The following ATP12A variants were observed in gnomAD, a reference collection of about 807,000 sequenced individuals.
ATP12A encodes ATPase H+/K+ transporting non-gastric alpha2 subunit, also known as potassium-transporting ATPase alpha chain 2.
Under a neutral mutation model 111.2 loss-of-function variants are expected in ATP12A, and 81 were observed. That is an observed-to-expected ratio of 0.73 (90% confidence interval 0.61 to 0.88). ATP12A has a LOEUF of 0.88. Ranked by LOEUF, ATP12A falls within the 40% of genes least tolerant of loss-of-function variation. ATP12A has a pLI of 0.00. For synonymous variants in ATP12A, 498 were observed against 499.8 expected, an observed-to-expected ratio of 1.00 and a Z score of 0.05; for missense variants, 1,196 against 1,313.1, an observed-to-expected ratio of 0.91 and a Z score of 1.38.
At chr13:24,701,754 G>A (rs900841113) in intron 13 of ATP12A, among the ~76,000 whole-genome samples, 181 bp from the exon 14 acceptor site, 2 of 152,152 alleles carry the variant, frequency 1.3e-5, no homozygotes, top group African/African-American at 2.4e-5. Flanking sequence ...TAGGAGCAAG[G>A]GTAGACCCAA....
At chr13:24,710,769 G>A (rs1020067514) in intron 20 of ATP12A, 23 bp from the exon 21 acceptor site, 3 of 1,612,182 alleles carry the variant, frequency 1.9e-6, no homozygotes, top group Non-Finnish European at 8.5e-7. Flanking sequence ...TCCCAAGTCT[G>A]TCTGCTTTTG....
intron 13 of ATP12A, among the ~76,000 whole-genome samples, chr13:24,701,733 C>A (rs576409033): frequency 6.6e-6 from 1 of 152,192 alleles, no homozygotes; most frequent in South Asian, 2.1e-4. Context: ...GAGGAGGAAG[C>A]GTATGAAGCT....
intron 20 of ATP12A, 78 bp downstream of exon 20, chr13:24,710,671 C>A: frequency 6.2e-7 from 1 of 1,608,074 alleles, no homozygotes; most frequent in African/African-American, 1.3e-5. Flanking sequence ...TTTCACAAGA[C>A]AGAGTTCTGG....
chr13:24,706,394 C>G lies in ATP12A; in HGVS notation c.2100C>G (p.Tyr700Ter). The G allele has an allele frequency of 6.2e-7, 1 of 1,614,216 alleles. No individual in the cohort carries two copies. The highest frequency in any genetic ancestry group is 8.5e-7 in the Non-Finnish European group (1 of 1,180,046). Residue 700 changes from tyrosine (Y) to a stop codon, truncating the protein, a stop_gained, in exon 15 of 23, where the codon TAC becomes TAG. Transcript: ENST00000381946. LOFTEE classifies it high-confidence loss of function. ...AGCTGGATGAGATCTTAGCCAACTA[C>G]CAGGAGATTGTCTTTGCCCGGACAT... ...SEQLDEILAN[Y>*]QEIVFARTSP...
Position 24,680,663 on chromosome 13 carries a change from G to A in ATP12A, c.-81G>A, listed in dbSNP as rs1874394353. ...GCCACTGCCACTGCCACAGCCACAC[G>A]AGGCCCCCCACCGTGCGCTCCGCCG... On this transcript the variant is annotated 5_prime_UTR_variant, in exon 1 of 23. Transcript: ENST00000381946. The A allele has an allele frequency of 2.0e-6, 3 of 1,470,666 alleles. No homozygotes were observed. Among genetic ancestry groups the A allele is most frequent in the African/African-American group, 2.9e-5 (2 of 68,074 alleles). 91.1% of individuals were successfully genotyped at this position (1,470,666 alleles called of 1,614,324 possible). A position where few individuals can be genotyped will look rare whatever the true frequency, so the allele number is the denominator to read the frequency against.
At chr13:24,693,969 T>G (rs17397030) in intron 10 of ATP12A, among the ~76,000 whole-genome samples, 10,677 of 152,282 alleles carry the variant, frequency 0.07, 520 homozygotes, top group Middle Eastern at 0.12. Context: ...TTATAGTCAC[T>G]TAACTTTGCT....
In ATP12A at chr13:24,681,729, C is replaced by T. The variant is rs747236833; in HGVS notation, c.168+9C>T. The stretch of plus-strand genomic sequence containing the variant: ...AGAAAGAACTCCATCTGGTCAGTAG[C>T]CTTAAGCCACGGGGTCCTGCCGGCT... On this transcript the variant is annotated intron_variant, in intron 2 of 22. Coordinates refer to ENST00000381946, the MANE Select transcript of ATP12A (RefSeq NM_001676.7). 1 of 1,614,080 alleles carries T rather than the reference C, an allele frequency of 6.2e-7. No homozygotes were observed.
At chr13:24,689,442 G>T in intron 5 of ATP12A, 67 bp downstream of exon 5, 1 of 1,403,320 alleles carries the variant, frequency 7.1e-7, no homozygotes, top group Non-Finnish European at 1.0e-6. Context: ...AGCTGGGAGG[G>T]GCACAGGGCC....
At position 24,685,813 on chromosome 13, in the gene ATP12A, G is replaced by A. The variant is rs1874645375; in HGVS notation, c.228+440G>A. Among the ~76,000 whole-genome samples the A allele has an allele frequency of 6.6e-6, 1 of 152,242 alleles. No individual in the cohort carries two copies. Among genetic ancestry groups the A allele is most frequent in the African/African-American group, 2.4e-5 (1 of 41,464 alleles). On this transcript the variant is annotated intron_variant, in intron 3 of 22. Transcript: ENST00000381946. The surrounding 1 kb of genome is among the most constrained non-coding windows in gnomAD (Gnocchi z 5.5). The stretch of plus-strand genomic sequence containing the variant: ...CTCAAAATGCTTCGGATTTAAGCTG[G>A]TGGGGGACCCCAGGGCCAGTAAGCA...
At chr13:24,690,904 C>T in intron 7 of ATP12A, 78 bp from the exon 8 acceptor site, 3 of 1,575,966 alleles carry the variant, frequency 1.9e-6, no homozygotes, top group Admixed American at 3.4e-5. Context: ...TGTGCCAGCC[C>T]CCAGAGAGGG....
At chr13:24,707,472 C>T (rs772104613) in intron 17 of ATP12A, 39 bp downstream of exon 17, 1 of 1,611,880 alleles carries the variant, frequency 6.2e-7, no homozygotes, top group South Asian at 1.1e-5. Context: ...GATGCCTGCC[C>T]CAGGGGAGGT....
At chr13:24,699,751 A>G (rs1336201952) in intron 12 of ATP12A, among the ~76,000 whole-genome samples, 2 of 152,206 alleles carry the variant, frequency 1.3e-5, no homozygotes, top group African/African-American at 2.4e-5. Context: ...TCCTGTTGTC[A>G]GCACCAGGGC....
intron 2 of ATP12A, among the ~76,000 whole-genome samples, chr13:24,682,240 TGTG>T (rs1176689396): frequency 7.0e-6 from 1 of 143,122 alleles, no homozygotes; most frequent in African/African-American, 2.6e-5. Flanking sequence ...GCATGGTATG[TGTG>T]GTGTGTGTGT....
chr13:24,709,713 T>A lies in ATP12A; in HGVS notation c.2648T>A (p.Val883Glu). The change falls in exon 19 of 23, where the codon GTG (valine) becomes GAG (glutamate). Residue 883 changes from valine (V) to glutamate (E), a missense_variant. This residue lies in a region of ATP12A where 1,126 missense variants were observed against 1,228.5 expected (regional missense o/e 0.92). Coordinates refer to ENST00000381946, the MANE Select transcript of ATP12A (RefSeq NM_001676.7). ...ATGCAAGCCCTGGGAGCTTTCCTTG[T>A]GTATTTCACCGTCTATGCACAAGAG... ...GLMQALGAFLVYFTVYAQEGF... is the reference protein window; with the variant it reads ...GLMQALGAFLEYFTVYAQEGF... The A allele has an allele frequency of 1.2e-6, 2 of 1,614,234 alleles. No individual in the cohort carries two copies.
intron 5 of ATP12A, among the ~76,000 whole-genome samples, chr13:24,689,603 C>G (rs1566070683): frequency 6.6e-6 from 1 of 152,318 alleles, no homozygotes; most frequent in East Asian, 1.9e-4. Flanking sequence ...ATCTTCTGTT[C>G]CTGCTCCTCA....
At chr13:24,700,645 G>T in intron 12 of ATP12A, 102 bp from the exon 13 acceptor site, 1 of 1,050,246 alleles carries the variant, frequency 9.5e-7, no homozygotes, top group Non-Finnish European at 1.4e-6. Context: ...CTAATGTATT[G>T]GTAAAACAGC....
At position 24,704,088 on chromosome 13, in the gene ATP12A, C is replaced by T. The variant is rs377008407; in HGVS notation, c.2018+2017C>T. Reference sequence around the variant, plus strand: ...TGAAATCTCATTGCAGCCTCCACCTCCTGGGTTCAAGCAATTCTCCTGCCT... The same window carrying T: ...TGAAATCTCATTGCAGCCTCCACCTTCTGGGTTCAAGCAATTCTCCTGCCT... On this transcript the variant is annotated intron_variant, in intron 14 of 22. Transcript: ENST00000381946. Among the ~76,000 whole-genome samples the T allele has an allele frequency of 4.3e-4, 65 of 152,146 alleles. 3 individuals carry two copies. In the East Asian group the frequency reaches 0.012, roughly 28 times the overall value.
chr13:24,689,573 A>C (rs914914489), intron 5 of ATP12A, among the ~76,000 whole-genome samples, 198 bp downstream of exon 5: 2 of 152,178 alleles, frequency 1.3e-5, no homozygotes, highest in African/African-American at 4.8e-5. Context: ...CACCCAGGGC[A>C]GTGCTGGTTA....
chr13:24,680,898 G>GC (rs1874405607), intron 1 of ATP12A, 146 bp downstream of exon 1: 3 of 1,306,138 alleles, frequency 2.3e-6, no homozygotes, highest in South Asian at 1.8e-5. Context: ...TCCTCTGAGC[G>GC]CCCCCCGGCC....
Sources: allele counts gnomAD v4.1 joint callset (sites outside exome capture counted in the v4.1 genomes callset), GRCh38; gene constraint gnomAD v4.1.1; regional missense constraint gnomAD v4.1.1; non-coding constraint Gnocchi (gnomAD v3.1); transcripts MANE v1.5; gene names NCBI Gene and HGNC (gene_info 2026-07-23, HGNC 2026-07-21).